The following NPC1L1 variants were observed in gnomAD, a reference collection of about 807,000 sequenced individuals.
NPC1L1 encodes the protein NPC1 like intracellular cholesterol transporter 1.
Under a neutral mutation model 117.0 loss-of-function variants are expected in NPC1L1, and 98 were observed. That is an observed-to-expected ratio of 0.84 (90% CI 0.71 to 0.99). The LOEUF is 0.99. Among genes scored for constraint, NPC1L1 ranks in the 50% least tolerant of loss-of-function variants. The probability of loss-of-function intolerance (pLI) is 0.00; values close to 1 mark genes in which losing one functional copy is unlikely to be tolerated. For missense variants in NPC1L1, 1,540 were observed against 1,710.0 expected (o/e 0.90, Z 1.75); for synonymous variants, 729 against 727.6 (o/e 1.00, Z -0.03).
Position 44,536,220 on chromosome 7 carries a change from T to C in NPC1L1, c.1854+36A>G. The C allele has an allele frequency of 6.2e-7, 1 of 1,611,944 alleles. No individual in the cohort carries two copies. The highest frequency in any genetic ancestry group is 1.1e-5 in the South Asian group (1 of 90,988). On this transcript the variant is annotated intron_variant, in intron 4 of 18. Coordinates refer to ENST00000381160, the MANE Select transcript of NPC1L1 (RefSeq NM_001101648.2). This position sits in a 1 kb window ranked among gnomAD's most constrained non-coding sequence, Gnocchi z 4.7. ...AGGAACTGACCCAAGACCACCTGGG[T>C]TGCACCCCCAGAGCCAGGGACCCTG...
In NPC1L1 at chr7:44,539,142, T is replaced by C. The variant is rs913420061; in HGVS notation, c.1255A>G (p.Ser419Gly). 1.2e-6 allele frequency: 2 copies of C among 1,613,994 alleles called. No individual in the cohort carries two copies. Among genetic ancestry groups the C allele is most frequent in the Non-Finnish European group, 1.7e-6 (2 of 1,180,038 alleles). ...AGCAGCAGAGAGTCATACCTGTAGCTGGACCGGTTAGGAGCCGTCAGGATC... is the reference window on the plus strand; with the variant it reads ...AGCAGCAGAGAGTCATACCTGTAGCCGGACCGGTTAGGAGCCGTCAGGATC... ...QVILTAPNRS[S>G]YRYDSLLLGP... is the part of the protein sequence containing the mutation. The change falls in exon 2 of 19, where the codon AGC (serine) becomes GGC (glycine). Residue 419 changes from serine (S) to glycine (G), a missense_variant. Coordinates refer to ENST00000381160, the MANE Select transcript of NPC1L1 (RefSeq NM_001101648.2). The surrounding 1 kb of genome is among the most constrained non-coding windows in gnomAD (Gnocchi z 4.4).
At position 44,538,683 on chromosome 7, in the gene NPC1L1, C is replaced by T; in HGVS notation, c.1580+134G>A. ...GCAGAGATAATCATCTGGGCGGCCC[C>T]AGGCCAGAGCCGTAGGAATAGCTAC... On this transcript the variant is annotated intron_variant, in intron 2 of 18. Coordinates refer to ENST00000381160, the MANE Select transcript of NPC1L1 (RefSeq NM_001101648.2). The surrounding 1 kb of genome is among the most constrained non-coding windows in gnomAD (Gnocchi z 5.9). The T allele has an allele frequency of 3.3e-6, 3 of 911,784 alleles. No homozygotes were observed. In the South Asian group the frequency reaches 4.0e-5, roughly 12 times the overall value. The allele number at this position is 911,784 out of a possible 1,614,324, so 56.5% of individuals were successfully genotyped here.
Position 44,536,550 on chromosome 7 carries a change from C to T in NPC1L1, c.1682-122G>A, listed in dbSNP as rs542122057. The T allele has an allele frequency of 5.0e-5, 55 of 1,099,570 alleles. 2 individuals are homozygous for T. In the South Asian group the frequency reaches 7.0e-4, roughly 14 times the overall value. 68.1% of individuals were successfully genotyped at this position (1,099,570 alleles called of 1,614,324 possible). ...CCTCCCATCACCCCTTGCTCCTTCT[C>T]CCCCACTCCTTCCTCATCTGATACA... On this transcript the variant is annotated intron_variant, in intron 3 of 18. Coordinates refer to ENST00000381160, the MANE Select transcript of NPC1L1 (RefSeq NM_001101648.2). This position sits in a 1 kb window ranked among gnomAD's most constrained non-coding sequence, Gnocchi z 4.7.
chr7:44,515,909 G>C lies in NPC1L1; in HGVS notation c.3690C>G (p.Ala1230=), dbSNP rs1463353433. The C allele has an allele frequency of 6.2e-7, 1 of 1,614,060 alleles. No homozygotes were observed. The highest frequency in any genetic ancestry group is 8.5e-7 in the Non-Finnish European group (1 of 1,180,034). ...AGAAGATCTGAATGAGCTGGGCCTT[G>C]GCGAGGCCCAGGACAAGGATGCCAG... ...NLPGILVLGL[A]KAQLIQIFFF... Residue 1230 remains alanine (A), a synonymous_variant, in exon 18 of 19, where the codon GCC becomes GCG. Coordinates refer to ENST00000381160, the MANE Select transcript of NPC1L1 (RefSeq NM_001101648.2).
intron 10 of NPC1L1, among the ~76,000 whole-genome samples, chr7:44,527,350 G>A (rs1418762459): frequency 3.3e-5 from 5 of 150,872 alleles, no homozygotes; most frequent in African/African-American, 7.3e-5. Flanking sequence ...CCCAGTACTC[G>A]GGGGGCTGAG....
At chr7:44,529,325 G>A (rs1801624456) in intron 10 of NPC1L1, among the ~76,000 whole-genome samples, 1 of 151,454 alleles carries the variant, frequency 6.6e-6, no homozygotes, top group Non-Finnish European at 1.5e-5. Context: ...GATATTCCAT[G>A]TAAATAGTAA....
At chr7:44,516,000 C>G in intron 17 of NPC1L1, 35 bp from the exon 18 acceptor site, 1 of 1,571,080 alleles carries the variant, frequency 6.4e-7, no homozygotes, top group Non-Finnish European at 8.7e-7. Flanking sequence ...AGGCAGGGCA[C>G]AGGGCATCAG....
chr7:44,527,461 CAAAAAAAAAAAA>C lies in NPC1L1; in HGVS notation c.2637+4282_2637+4293del, dbSNP rs1160435212. On this transcript the variant is annotated intron_variant, in intron 10 of 18. Coordinates refer to ENST00000381160, the MANE Select transcript of NPC1L1 (RefSeq NM_001101648.2). ...GGGCAACAAGAGCAAAACAACTTCT[CAAAAAAAAAAAA>C]AAAAAAAAAAAAAGACATCAGCAGT... Among the ~76,000 whole-genome samples the C allele has an allele frequency of 1.4e-3, 55 of 40,110 alleles. 2 individuals carry two copies. The East Asian group carries it at 0.042, about 31-fold the overall frequency. The allele number at this position is 40,110 out of a possible 152,430, so 26.3% of individuals were successfully genotyped here. A position where few individuals can be genotyped will look rare whatever the true frequency, so the allele number is the denominator to read the frequency against.
chr7:44,518,582 T>C (rs1296806840), intron 14 of NPC1L1: 3 of 444,758 alleles, frequency 6.7e-6, no homozygotes, highest in Non-Finnish European at 1.2e-5. Flanking sequence ...GGCAGGAGAA[T>C]TACTTGAATC....
rs1563203490 is a variant in NPC1L1, at chr7:44,522,149, A to G, written c.2731T>C (p.Ser911Pro). The G allele has an allele frequency of 6.2e-7, 1 of 1,614,040 alleles. No homozygotes were observed. The highest frequency in any genetic ancestry group is 1.7e-5 in the Admixed American group (1 of 59,998). ...ATGGCATTCATCCCAGCCTCGCTGGAGAAGTTGTAGCCCAAGGTGGTAACA... is the reference window on the plus strand; with the variant it reads ...ATGGCATTCATCCCAGCCTCGCTGGGGAAGTTGTAGCCCAAGGTGGTAACA... ...YFVTTLGYNF[S>P]SEAGMNAICS... The change falls in exon 11 of 19, where the codon TCC (serine) becomes CCC (proline). Residue 911 changes from serine to proline, a missense_variant. Physicochemically the swap from Ser to Pro is moderately conservative, Grantham distance 74. Transcript: ENST00000381160.
chr7:44,516,808 G>T lies in NPC1L1; in HGVS notation c.3414C>A (p.Gly1138=). The change falls in exon 16 of 19, where the codon GGC becomes GGA. Residue 1138 remains glycine (G), a synonymous_variant. Transcript: ENST00000381160. ...TGACAATGGAGAGCAGGTTGAGGAGGCCGGAGCGCAGGTCCAGGCCCAGCA... is the reference window on the plus strand; with the variant it reads ...TGACAATGGAGAGCAGGTTGAGGAGTCCGGAGCGCAGGTCCAGGCCCAGCA... ...CLLLGLDLRS[G]LLNLLSIVMI... 6.2e-7 allele frequency: 1 copy of T among 1,614,112 alleles called. No homozygotes were observed. Among genetic ancestry groups the T allele is most frequent in the East Asian group, 2.2e-5 (1 of 44,866 alleles).
intron 10 of NPC1L1, among the ~76,000 whole-genome samples, chr7:44,529,624 T>G (rs566137172): frequency 6.6e-6 from 1 of 151,952 alleles, no homozygotes; most frequent in East Asian, 2.0e-4. Flanking sequence ...GTGATCTGCC[T>G]GCCTCAGCCT....
intron 13 of NPC1L1, 53 bp from the exon 14 acceptor site, chr7:44,520,873 G>A (rs1437728465): frequency 2.5e-6 from 4 of 1,612,006 alleles, no homozygotes; most frequent in Non-Finnish European, 1.7e-6. Context: ...TCTTTCATCT[G>A]CCCAGCCCAC....
At chr7:44,516,011 G>C in intron 17 of NPC1L1, 46 bp from the exon 18 acceptor site, 1 of 1,610,820 alleles carries the variant, frequency 6.2e-7, no homozygotes, top group Non-Finnish European at 8.5e-7. Context: ...AGGGCATCAG[G>C]CAGGGCACAG....
intron 2 of NPC1L1, among the ~76,000 whole-genome samples, chr7:44,537,608 C>T (rs528206394): frequency 6.6e-6 from 1 of 152,312 alleles, no homozygotes; most frequent in South Asian, 2.1e-4. Flanking sequence ...GCTCTCTACC[C>T]CCCTCTCTCA....
At chr7:44,532,469 C>T (rs1801736409) in intron 8 of NPC1L1, among the ~76,000 whole-genome samples, 1 of 152,184 alleles carries the variant, frequency 6.6e-6, no homozygotes, top group Non-Finnish European at 1.5e-5. Flanking sequence ...TTGAACAACA[C>T]GAGTTTGAAC....
At chr7:44,537,670 A>G (rs1160154069) in intron 2 of NPC1L1, among the ~76,000 whole-genome samples, 4 of 152,020 alleles carry the variant, frequency 2.6e-5, no homozygotes, top group Admixed American at 2.0e-4. Context: ...AGCTTACCAC[A>G]CCCCTCTGAA....
intron 18 of NPC1L1, 149 bp from the exon 19 acceptor site, chr7:44,513,798 C>A: frequency 1.1e-6 from 1 of 897,990 alleles, no homozygotes; most frequent in Non-Finnish European, 1.8e-6. Context: ...TGTTCACAGC[C>A]CAAGCTTCAG....
chr7:44,527,005 CAA>C (rs1273268229), intron 10 of NPC1L1, among the ~76,000 whole-genome samples: 1 of 151,116 alleles, frequency 6.6e-6, no homozygotes, highest in Non-Finnish European at 1.5e-5. Context: ...GCCTGGGCGA[CAA>C]GAGTGAAACT....
Sources: allele counts gnomAD v4.1 joint callset (sites outside exome capture counted in the v4.1 genomes callset), GRCh38; gene constraint gnomAD v4.1.1; non-coding constraint Gnocchi (gnomAD v3.1); transcripts MANE v1.5; gene names NCBI Gene and HGNC (gene_info 2026-07-23, HGNC 2026-07-21).